The following C3 variants were observed in gnomAD, a reference collection of about 807,000 sequenced individuals.
The protein encoded by C3 is complement C3.
Under a neutral mutation model 207.9 loss-of-function variants are expected in C3, and 97 were observed. That is an observed-to-expected ratio of 0.47 (90% CI 0.40 to 0.55). The LOEUF is 0.55. Ranked by LOEUF, C3 falls within the 20% of genes least tolerant of loss-of-function variation. The pLI, the probability that C3 is intolerant of heterozygous loss-of-function variation, is 0.00. For missense variants in C3, 1,684 were observed against 2,171.7 expected, an observed-to-expected ratio of 0.78 and a Z score of 4.46; for synonymous variants, 848 against 857.6, an observed-to-expected ratio of 0.99 and a Z score of 0.20.
intron 3 of C3, 24 bp from the exon 4 acceptor site, chr19:6,718,188 G>C: frequency 6.2e-7 from 1 of 1,614,064 alleles, no homozygotes; most frequent in Non-Finnish European, 8.5e-7. Flanking sequence ...AAGAGGCCTC[G>C]TGAGACCCTA....
chr19:6,707,421 C>G, intron 16 of C3, 45 bp downstream of exon 16: 1 of 1,610,330 alleles, frequency 6.2e-7, no homozygotes, highest in South Asian at 1.1e-5. Flanking sequence ...CTGGGGTCTC[C>G]TGGGGTGGGG....
At chr19:6,688,941 C>G (rs896233727) in intron 27 of C3, among the ~76,000 whole-genome samples, 2 of 152,120 alleles carry the variant, frequency 1.3e-5, no homozygotes, top group African/African-American at 4.8e-5. Context: ...GGGAATATGG[C>G]GGCCCTAACC....
chr19:6,718,983 G>A (rs1379222298), intron 2 of C3, among the ~76,000 whole-genome samples: 1 of 10,734 alleles, frequency 9.3e-5, no homozygotes, highest in South Asian at 4.2e-3. Flanking sequence ...CAGAAGGGGT[G>A]GGGGGGGGTC....
At chr19:6,694,686 TG>T in intron 23 of C3, 52 bp from the exon 24 acceptor site, 2 of 1,532,496 alleles carry the variant, frequency 1.3e-6, no homozygotes, top group Non-Finnish European at 1.8e-6. Flanking sequence ...TGACCCACCT[TG>T]GGGTGGCGTG....
chr19:6,707,889 G>C lies in C3; in HGVS notation c.1886C>G (p.Pro629Arg), dbSNP rs1358823675. 1.2e-6 allele frequency: 2 copies of C among 1,613,932 alleles called. No individual in the cohort carries two copies. The highest frequency in any genetic ancestry group is 1.7e-6 in the Non-Finnish European group (2 of 1,180,022). ...ACCGGCGTAATCCTTCCCACTGCCC[G>C]GGGTGCAGCCGATGTCTGCCTTCTC... ...VVEKADIGCT[P>R]GSGKDYAGVF... is the part of the protein sequence containing the mutation. Residue 629 changes from proline (P) to arginine (R), a missense_variant, in exon 15 of 41, where the codon CCG (proline) becomes CGG (arginine). Pro to Arg is a moderately radical substitution (Grantham distance 103). Coordinates refer to ENST00000245907, the MANE Select transcript of C3 (RefSeq NM_000064.4).
At chr19:6,700,158 A>G (rs752006687) in intron 19 of C3, among the ~76,000 whole-genome samples, 1 of 142,650 alleles carries the variant, frequency 7.0e-6, no homozygotes, top group Admixed American at 7.2e-5. Context: ...ATTTCTTATA[A>G]ATTATAATAC....
chr19:6,707,240 C>T lies in C3; in HGVS notation c.2081G>A (p.Cys694Tyr), dbSNP rs1164189406. 1 of 1,612,866 alleles carries T rather than the reference C, an allele frequency of 6.2e-7. No homozygotes were observed. The highest frequency in any genetic ancestry group is 8.5e-7 in the Non-Finnish European group (1 of 1,179,532). Residue 694 changes from cysteine to tyrosine, a missense_variant, in exon 17 of 41, where the codon TGC becomes TAC. Physicochemically the swap from Cys to Tyr is radical, Grantham distance 194. This residue lies in a region of C3 where 1,280 missense variants were observed against 1,739.1 expected (regional missense o/e 0.74). Transcript: ENST00000245907. ...GKYPKELRKC[C>Y]EDGMRENPMR... ...GGGGTTCTCCCGCATGCCGTCCTCG[C>T]AGCACTTGCGCAGCTCCTTGGGGTA...
intron 18 of C3, 113 bp downstream of exon 18, chr19:6,702,358 G>T: frequency 1.0e-6 from 1 of 977,324 alleles, no homozygotes; most frequent in Non-Finnish European, 1.7e-6. Context: ...GATTTTTCTA[G>T]GTTGGGCTGT....
chr19:6,710,499 GAA>G, intron 13 of C3, 138 bp downstream of exon 13: 1 of 680,446 alleles, frequency 1.5e-6, no homozygotes, highest in Non-Finnish European at 2.6e-6. Context: ...AGGGAGGAGA[GAA>G]AGGGAGAGGA....
chr19:6,706,450 G>A (rs1014802995), intron 17 of C3, among the ~76,000 whole-genome samples: 7 of 151,984 alleles, frequency 4.6e-5, no homozygotes, highest in Admixed American at 1.3e-4. Context: ...CCCCTCGGAC[G>A]GGAGCCTCCT....
Position 6,680,160 on chromosome 19 carries a change from A to G in C3, c.4454T>C (p.Leu1485Pro). The G allele has an allele frequency of 1.3e-6, 2 of 1,596,524 alleles. No homozygotes were observed. Among genetic ancestry groups the G allele is most frequent in the Non-Finnish European group, 1.7e-6 (2 of 1,164,114 alleles). ...GAVKVYAYYN[L>P]EESCTRFYHP... ...CAGGCCCTAGGTTGGCTGCTCACCC[A>G]GGTTGTAATAGGCGTAGACCTTGAC... Residue 1485 changes from leucine to proline, a missense_variant and splice_region_variant, in exon 36 of 41, where the codon CTG becomes CCG. Transcript: ENST00000245907.
rs149850773 is a variant in C3 at position 6,707,866 on chromosome 19, C to T, written c.1909G>A (p.Gly637Ser). The T allele has an allele frequency of 6.8e-6, 11 of 1,613,964 alleles. No individual in the cohort carries two copies. Among genetic ancestry groups the T allele is most frequent in the Admixed American group, 1.7e-5 (1 of 60,022 alleles). The part of the protein sequence containing the change: ...CTPGSGKDYA[G>S]VFSDAGLTFT... ...GTCAGCCCTGCGTCGGAGAAGACACCGGCGTAATCCTTCCCACTGCCCGGG... is the reference window on the plus strand; with the variant it reads ...GTCAGCCCTGCGTCGGAGAAGACACTGGCGTAATCCTTCCCACTGCCCGGG... Residue 637 changes from glycine (G) to serine (S), a missense_variant, in exon 15 of 41, where the codon GGT (glycine) becomes AGT (serine). Physicochemically the swap from Gly to Ser is moderately conservative, Grantham distance 56. Coordinates refer to ENST00000245907, the MANE Select transcript of C3 (RefSeq NM_000064.4).
In C3 at chr19:6,708,222, C is replaced by G. The variant is rs553703427; in HGVS notation, c.1846-293G>C. The stretch of plus-strand genomic sequence containing the variant: ...TGTGATCTCCGCTCACTGTAACCTC[C>G]AACTCCCAGGTTCAGGCAATTTTCC... On this transcript the variant is annotated intron_variant, in intron 14 of 40. Coordinates refer to ENST00000245907, the MANE Select transcript of C3 (RefSeq NM_000064.4). 1.0e-3 allele frequency among the ~76,000 whole-genome samples: 154 copies of G among 151,814 alleles called. 3 individuals are homozygous for G. In the South Asian group the frequency reaches 0.028, roughly 27 times the overall value.
intron 27 of C3, among the ~76,000 whole-genome samples, chr19:6,687,452 A>G (rs943166141): frequency 2.6e-5 from 4 of 152,206 alleles, no homozygotes; most frequent in Admixed American, 2.0e-4. Context: ...ATAAAACCTG[A>G]TGAGCATACT....
chr19:6,696,998 C>T (rs981871455), intron 21 of C3, among the ~76,000 whole-genome samples: 7 of 146,288 alleles, frequency 4.8e-5, no homozygotes, highest in Admixed American at 2.9e-4. Context: ...GCTGAGATCG[C>T]GCCACTGCAC....
chr19:6,719,375 G>A lies in C3; in HGVS notation c.103C>T (p.Arg35Trp), dbSNP rs1218842967. 3 of 1,613,958 alleles carry A rather than the reference G, an allele frequency of 1.9e-6. No homozygotes were observed. Among genetic ancestry groups the A allele is most frequent in the East Asian group, 2.2e-5 (1 of 44,888 alleles). Reference sequence around the variant, plus strand: ...ACCATGGTCTCCTCGCTCTCCAGCCGCAAGATGTTGGGGGTGATGATAGAG... The same window carrying A: ...ACCATGGTCTCCTCGCTCTCCAGCCACAAGATGTTGGGGGTGATGATAGAG... ...MYSIITPNIL[R>W]LESEETMVLE... Residue 35 changes from arginine to tryptophan, a missense_variant, in exon 2 of 41, where the codon CGG becomes TGG. Arg to Trp is a moderately radical substitution (Grantham distance 101). Transcript: ENST00000245907. This position sits in a 1 kb window ranked among gnomAD's most constrained non-coding sequence, Gnocchi z 5.4.
At chr19:6,707,756 G>C in intron 15 of C3, 44 bp downstream of exon 15, 1 of 1,610,002 alleles carries the variant, frequency 6.2e-7, no homozygotes, top group Non-Finnish European at 8.5e-7. Context: ...CTGGGAGGTG[G>C]AGGTGCTGTC....
chr19:6,720,225 C>G lies in C3; in HGVS notation c.74+291G>C, dbSNP rs544547801. 9.2e-5 allele frequency among the ~76,000 whole-genome samples: 14 copies of G among 152,134 alleles called. No homozygotes were observed. The East Asian group carries it at 2.7e-3, about 29-fold the overall frequency. On this transcript the variant is annotated intron_variant, in intron 1 of 40. Transcript: ENST00000245907. ...CAGGCAGCCCAAATGTATATAAACT[C>G]CAATTCCACGATACCTGGATTCCAC...
rs752196151 is a variant in C3 at position 6,684,841 on chromosome 19, A to T, written c.3970-7T>A. The T allele has an allele frequency of 4.0e-5, 64 of 1,614,072 alleles. No homozygotes were observed. Among genetic ancestry groups the T allele is most frequent in the Non-Finnish European group, 5.0e-5 (59 of 1,179,964 alleles). On this transcript the variant is annotated splice_polypyrimidine_tract_variant and splice_region_variant and intron_variant, in intron 30 of 40. Coordinates refer to ENST00000245907, the MANE Select transcript of C3 (RefSeq NM_000064.4). ...AACCCTCATTTTCCTTGGTCTGCAG[A>T]GTGAAAAGAGAGAAGAGAGCATGTT...
Sources: gnomAD v4.1 joint callset for allele counts (sites outside exome capture counted in the v4.1 genomes callset) on GRCh38, gnomAD v4.1.1 for gene constraint, gnomAD v4.1.1 regional missense constraint, Gnocchi (gnomAD v3.1) non-coding constraint, MANE v1.5 for transcripts, NCBI Gene and HGNC (gene_info 2026-07-23, HGNC 2026-07-21) for gene names.